Variants in NTN1 observed in about 807,000 individuals in gnomAD.
The protein encoded by NTN1 is netrin 1, also known as netrin-1.
NTN1 carries 11 observed loss-of-function variants against 54.2 expected under a neutral mutation model. The observed-to-expected ratio is 0.20, with a 90% CI of 0.13 to 0.34. NTN1 has a LOEUF of 0.34. NTN1 is among the 10% of genes least tolerant of loss of function. The pLI, the probability that NTN1 is intolerant of heterozygous loss-of-function variation, is 1.00. For missense variants in NTN1, 740 were observed against 893.1 expected (o/e 0.83, Z 2.18); for synonymous variants, 371 against 382.0 (o/e 0.97, Z 0.33).
intron 2 of NTN1, among the ~76,000 whole-genome samples, chr17:9,130,876 T>C (rs2092262567): frequency 6.6e-6 from 1 of 152,214 alleles, no homozygotes; most frequent in Non-Finnish European, 1.5e-5. Context: ...ATGCATTCTC[T>C]CTTGATTCTC....
At chr17:9,074,062 A>G (rs1245275026) in intron 2 of NTN1, among the ~76,000 whole-genome samples, 1 of 152,184 alleles carries the variant, frequency 6.6e-6, no homozygotes, top group African/African-American at 2.4e-5. Flanking sequence ...CCCAGGAATC[A>G]GTGGCTATGT....
chr17:9,146,802 T>G (rs981761849), intron 2 of NTN1, among the ~76,000 whole-genome samples: 1 of 152,094 alleles, frequency 6.6e-6, no homozygotes, highest in East Asian at 1.9e-4. Flanking sequence ...GTCAGTCCCT[T>G]GTTGGATTCT....
At chr17:9,016,812 T>C (rs2091832973), upstream of NTN1, among the ~76,000 whole-genome samples, 1 of 152,202 alleles carries the variant, frequency 6.6e-6, no homozygotes, top group African/African-American at 2.4e-5. Context: ...TGTCTCTTTC[T>C]CTAGGTCTAT....
chr17:9,132,515 C>T (rs1479472449), intron 2 of NTN1, among the ~76,000 whole-genome samples: 1 of 152,206 alleles, frequency 6.6e-6, no homozygotes, highest in African/African-American at 2.4e-5. Context: ...TCTTTGTGCC[C>T]TTTAATCCTA....
intron 2 of NTN1, among the ~76,000 whole-genome samples, chr17:9,077,261 A>G (rs2092053808): frequency 6.6e-6 from 1 of 152,238 alleles, no homozygotes; most frequent in Non-Finnish European, 1.5e-5. Flanking sequence ...GTAGTGATGT[A>G]GATTTTGGCC....
rs113166429 is a variant in NTN1 at position 9,026,650 on chromosome 17, C to G, written c.1018+3259C>G. 6.3e-3 allele frequency among the ~76,000 whole-genome samples: 955 copies of G among 152,050 alleles called. 6 individuals are homozygous for G. Among genetic ancestry groups the G allele is most frequent in the Admixed American group, 0.013 (196 of 15,262 alleles). ...ACCTGGGTTGCTAGGCCCCTTCCCC[C>G]CTCCCCGCCCTTCCCTTTTTTCAAA... On this transcript the variant is annotated intron_variant, in intron 2 of 6. Transcript: ENST00000173229.
intron 5 of NTN1, among the ~76,000 whole-genome samples, chr17:9,215,190 T>C (rs916061181): frequency 2.6e-5 from 4 of 151,966 alleles, no homozygotes; most frequent in African/African-American, 9.7e-5. Flanking sequence ...TCATAGTTTT[T>C]AATATGATCT....
chr17:9,183,398 G>T (rs1445583507), intron 5 of NTN1: 5 of 450,024 alleles, frequency 1.1e-5, no homozygotes, highest in Non-Finnish European at 2.2e-5. Context: ...AGCTGGGCGT[G>T]GGGGAGAATC....
At chr17:9,011,307 C>A in the NTN1 span, among the ~76,000 whole-genome samples, 1 of 152,120 alleles carries the variant, frequency 6.6e-6, no homozygotes, top group Non-Finnish European at 1.5e-5. Flanking sequence ...GGGAAGGATC[C>A]TTTCCTTGCC....
intron 2 of NTN1, among the ~76,000 whole-genome samples, chr17:9,120,904 A>G (rs976688918): frequency 1.3e-5 from 2 of 152,186 alleles, no homozygotes; most frequent in African/African-American, 4.8e-5. Flanking sequence ...CACAAGAGTC[A>G]CTTCAGTTCT....
At chr17:9,178,627 T>A (rs1025376586) in intron 3 of NTN1, among the ~76,000 whole-genome samples, 6 of 152,178 alleles carry the variant, frequency 3.9e-5, no homozygotes, top group African/African-American at 1.4e-4. Flanking sequence ...TTCTTGGGTT[T>A]TTTGGTCCTT....
the NTN1 span, among the ~76,000 whole-genome samples, chr17:9,007,016 C>T: frequency 2.6e-5 from 4 of 152,400 alleles, no homozygotes; most frequent in East Asian, 3.8e-4. Flanking sequence ...GCTCCCTCCA[C>T]GGGGCCTGAC....
chr17:9,108,279 G>A (rs1268251446), intron 2 of NTN1, among the ~76,000 whole-genome samples: 1 of 152,152 alleles, frequency 6.6e-6, no homozygotes, highest in East Asian at 1.9e-4. Context: ...AGTTACAGAA[G>A]CAGGCGGTGG....
At chr17:9,133,082 C>T (rs1254396602) in intron 2 of NTN1, among the ~76,000 whole-genome samples, 1 of 118,896 alleles carries the variant, frequency 8.4e-6, no homozygotes, top group Admixed American at 8.5e-5. Context: ...CTGACCACAC[C>T]TTCACCCAGT....
chr17:9,168,255 G>A (rs1259126257), intron 3 of NTN1, among the ~76,000 whole-genome samples: 3 of 152,176 alleles, frequency 2.0e-5, no homozygotes, highest in South Asian at 2.1e-4. Context: ...AATCCTGGCC[G>A]GGCACGGTGG....
intron 5 of NTN1, among the ~76,000 whole-genome samples, chr17:9,202,111 C>T (rs568099933): frequency 1.3e-4 from 19 of 141,914 alleles, no homozygotes; most frequent in South Asian, 2.3e-4. Context: ...TATGGTGGTA[C>T]GCACCTGTAG....
chr17:9,105,192 C>A (rs1363308109), intron 2 of NTN1, among the ~76,000 whole-genome samples: 1 of 152,222 alleles, frequency 6.6e-6, no homozygotes, highest in Admixed American at 6.5e-5. Flanking sequence ...GAAGAGCCCC[C>A]AGGAAGACAC....
chr17:9,232,341 G>A (rs1905842406), intron 6 of NTN1, among the ~76,000 whole-genome samples: 1 of 152,164 alleles, frequency 6.6e-6, no homozygotes. Context: ...GCCAGTCCCC[G>A]ATCTCTTCTC....
chr17:9,122,076 C>T lies in NTN1; in HGVS notation c.1019-40737C>T, dbSNP rs376952894. ...TTTTTGAGACGGAGTCTCGTTCTGT[C>T]GCCCAGGCTGGAGTGCAGTGGCGCA... On this transcript the variant is annotated intron_variant, in intron 2 of 6. Transcript: ENST00000173229. Among the ~76,000 whole-genome samples, 40 of 146,096 alleles carry T rather than the reference C, an allele frequency of 2.7e-4. No homozygotes were observed. In the East Asian group the frequency reaches 3.4e-3, roughly 12 times the overall value.
Sources: gnomAD v4.1 joint callset for allele counts (sites outside exome capture counted in the v4.1 genomes callset) on GRCh38, gnomAD v4.1.1 for gene constraint, MANE v1.5 for transcripts, NCBI Gene and HGNC (gene_info 2026-07-23, HGNC 2026-07-21) for gene names.